The following CHST15 variants were observed in gnomAD, a reference collection of about 807,000 sequenced individuals.
CHST15 encodes carbohydrate sulfotransferase 15.
Under a neutral mutation model 53.6 loss-of-function variants are expected in CHST15, and 30 were observed. That is an observed-to-expected ratio of 0.56 (90% confidence interval 0.42 to 0.76). The LOEUF (loss-of-function observed/expected upper bound fraction) is 0.76. Ranked by LOEUF, CHST15 falls within the 30% of genes least tolerant of loss-of-function variation. The pLI is 0.00. For missense variants in CHST15, 627 were observed against 740.5 expected (o/e 0.85, Z 1.78); for synonymous variants, 296 against 289.8 (o/e 1.02, Z -0.22).
intron 1 of CHST15, among the ~76,000 whole-genome samples, chr10:124,090,267 G>C (rs1283428293): frequency 6.6e-6 from 1 of 152,198 alleles, no homozygotes; most frequent in Non-Finnish European, 1.5e-5. Context: ...AAATTCACAA[G>C]ACCTGTTGAC....
At chr10:124,025,765 AAAGAG>A (rs1310005966) in intron 5 of CHST15, among the ~76,000 whole-genome samples, 1 of 152,130 alleles carries the variant, frequency 6.6e-6, no homozygotes, top group African/African-American at 2.4e-5. Context: ...GTCCTTATAA[AAAGAG>A]GAGAGGACAG....
chr10:124,061,027 G>A (rs763101350), intron 1 of CHST15, among the ~76,000 whole-genome samples: 3 of 152,142 alleles, frequency 2.0e-5, no homozygotes, highest in Non-Finnish European at 4.4e-5. Context: ...AGGTGTAATC[G>A]CCCCATTGTG....
At chr10:124,032,375 G>A (rs1335910528) in intron 5 of CHST15, among the ~76,000 whole-genome samples, 3 of 152,158 alleles carry the variant, frequency 2.0e-5, no homozygotes, top group East Asian at 1.9e-4. Flanking sequence ...ACATAGACAC[G>A]GTAAAATCCT....
At chr10:124,064,145 T>G (rs1002635793) in intron 1 of CHST15, among the ~76,000 whole-genome samples, 3 of 152,118 alleles carry the variant, frequency 2.0e-5, no homozygotes, top group Non-Finnish European at 4.4e-5. Context: ...AGGACTTTCT[T>G]GCAGATAGCA....
At chr10:124,055,759 C>T (rs1948357365) in intron 1 of CHST15, among the ~76,000 whole-genome samples, 1 of 152,178 alleles carries the variant, frequency 6.6e-6, no homozygotes, top group Non-Finnish European at 1.5e-5. Flanking sequence ...TGCTCAACAA[C>T]AAGGGCCAAC....
At chr10:124,070,492 C>T (rs1948881137) in intron 1 of CHST15, among the ~76,000 whole-genome samples, 1 of 152,200 alleles carries the variant, frequency 6.6e-6, no homozygotes, top group Non-Finnish European at 1.5e-5. Context: ...GATTCTTCTG[C>T]CTCAGCCTCC....
Position 124,044,923 on chromosome 10 carries a change from C to CAAGGAAACA in CHST15, c.547-13_547-5dup. The CAAGGAAACA allele has an allele frequency of 7.0e-7, 1 of 1,435,226 alleles. No homozygotes were observed. The highest frequency in any genetic ancestry group is 9.2e-7 in the Non-Finnish European group (1 of 1,089,830). 88.9% of individuals were successfully genotyped at this position (1,435,226 alleles called of 1,614,324 possible). On this transcript the variant is annotated splice_polypyrimidine_tract_variant and splice_region_variant and intron_variant, in intron 2 of 7. Transcript: ENST00000435907. ...TGTTGGGGATGACTGAAAACATCTGCAAGGAAACAGAGGAGGAGAGACACA... is the reference window on the plus strand; with the variant it reads ...TGTTGGGGATGACTGAAAACATCTGCAAGGAAACAAAGGAAACAGAGGAGGAGAGACACA...
chr10:124,083,981 C>T (rs1467009830), intron 1 of CHST15, among the ~76,000 whole-genome samples: 4 of 152,244 alleles, frequency 2.6e-5, no homozygotes, highest in South Asian at 2.1e-4. Context: ...CTTCCCAAGG[C>T]TCACGGTTTC....
chr10:124,040,761 G>A (rs1199107528), intron 4 of CHST15, among the ~76,000 whole-genome samples: 2 of 152,234 alleles, frequency 1.3e-5, no homozygotes, highest in East Asian at 1.9e-4. Context: ...GCCCAAGCAG[G>A]GCTAGATACT....
At chr10:124,031,062 C>G (rs1372284842) in intron 5 of CHST15, among the ~76,000 whole-genome samples, 1 of 152,228 alleles carries the variant, frequency 6.6e-6, no homozygotes, top group East Asian at 1.9e-4. Context: ...TGGGAACGAG[C>G]CTCAGCTGAA....
chr10:124,076,216 TAC>T (rs776399855), intron 1 of CHST15, among the ~76,000 whole-genome samples: 37 of 152,366 alleles, frequency 2.4e-4, no homozygotes, highest in Non-Finnish European at 5.0e-4. Context: ...TTGAGGCTTA[TAC>T]ACACACATAA....
chr10:124,071,620 AT>A (rs1590339480), intron 1 of CHST15, among the ~76,000 whole-genome samples: 2 of 152,116 alleles, frequency 1.3e-5, no homozygotes, highest in Non-Finnish European at 1.5e-5. Context: ...AAAAATTTGC[AT>A]TTTTTTCATA....
intron 1 of CHST15, among the ~76,000 whole-genome samples, chr10:124,056,100 C>T (rs560994057): frequency 6.6e-6 from 1 of 152,284 alleles, no homozygotes; most frequent in South Asian, 2.1e-4. Context: ...GGTCAAGAGG[C>T]CTCAGGAGCC....
At chr10:124,034,797 G>GC (rs1266232541) in intron 5 of CHST15, among the ~76,000 whole-genome samples, 10 of 100,546 alleles carry the variant, frequency 9.9e-5, no homozygotes, top group African/African-American at 1.3e-4. Flanking sequence ...CGCCGGCTCC[G>GC]CCCCTAACGG....
intron 1 of CHST15, among the ~76,000 whole-genome samples, chr10:124,081,434 CT>C (rs985640794): frequency 6.6e-6 from 1 of 152,202 alleles, no homozygotes; most frequent in African/African-American, 2.4e-5. Context: ...TCCCCGGAGA[CT>C]TGATGTAACA....
chr10:124,007,761 G>A lies in CHST15; in HGVS notation c.*2388C>T. 8.1e-7 allele frequency: 1 copy of A among 1,231,100 alleles called. No individual in the cohort carries two copies. Among genetic ancestry groups the A allele is most frequent in the Non-Finnish European group, 1.0e-6 (1 of 987,772 alleles). 76.3% of individuals were successfully genotyped at this position (1,231,100 alleles called of 1,614,324 possible). On this transcript the variant is annotated 3_prime_UTR_variant, in exon 8 of 8. Transcript: ENST00000435907. ...ATATTAATAAAAGTACAGCGTAACT[G>A]CGATTCACTTAACATACCTTACAGG...
At chr10:124,052,351 C>T (rs1036538551) in intron 1 of CHST15, among the ~76,000 whole-genome samples, 12 of 152,168 alleles carry the variant, frequency 7.9e-5, no homozygotes, top group Non-Finnish European at 1.6e-4. Flanking sequence ...ATCTGGACTT[C>T]GACAGTTTTG....
At chr10:124,037,418 G>A (rs1330903496) in intron 5 of CHST15, among the ~76,000 whole-genome samples, 4 of 152,170 alleles carry the variant, frequency 2.6e-5, no homozygotes, top group Non-Finnish European at 5.9e-5. Context: ...GAGGACCAAT[G>A]AGTGGATGTT....
intron 5 of CHST15, 134 bp from the exon 6 acceptor site, chr10:124,021,546 C>A: frequency 1.4e-6 from 2 of 1,445,444 alleles, no homozygotes; most frequent in Non-Finnish European, 1.8e-6. Context: ...TCTTCTTTCC[C>A]TTGCAGATGA....
Sources: gnomAD v4.1 joint callset for allele counts (sites outside exome capture counted in the v4.1 genomes callset) on GRCh38, gnomAD v4.1.1 for gene constraint, MANE v1.5 for transcripts, NCBI Gene and HGNC (gene_info 2026-07-23, HGNC 2026-07-21) for gene names.